The following LRRC4C variants were observed in gnomAD, a reference collection of about 807,000 sequenced individuals.
LRRC4C encodes the protein leucine rich repeat containing 4C.
A neutral mutation model predicts 33.6 loss-of-function variants in LRRC4C; 5 were observed. The observed-to-expected ratio is 0.15, with a 90% CI of 0.08 to 0.31. The LOEUF is 0.31. Ranked by LOEUF, LRRC4C falls within the 10% of genes least tolerant of loss-of-function variation. The pLI is 1.00. For missense variants in LRRC4C, 560 were observed against 796.7 expected, an observed-to-expected ratio of 0.70 and a Z score of 3.58; for synonymous variants, 329 against 302.0, an observed-to-expected ratio of 1.09 and a Z score of -0.93.
intron 2 of LRRC4C, among the ~76,000 whole-genome samples, chr11:40,839,722 T>A (rs555064265): frequency 6.6e-6 from 1 of 152,190 alleles, no homozygotes; most frequent in Non-Finnish European, 1.5e-5. Context: ...GGTTAACTGA[T>A]CTTCAAAACT....
At chr11:41,176,290 A>G (rs1437260355) in intron 1 of LRRC4C, among the ~76,000 whole-genome samples, 2 of 152,208 alleles carry the variant, frequency 1.3e-5, no homozygotes, top group African/African-American at 2.4e-5. Flanking sequence ...CCCGAACCCA[A>G]AAAGAGCTTT....
intron 1 of LRRC4C, among the ~76,000 whole-genome samples, chr11:41,319,419 G>C (rs958429023): frequency 3.9e-5 from 6 of 152,168 alleles, no homozygotes; most frequent in Admixed American, 1.3e-4. Context: ...TTCTAGGTTG[G>C]AAGAAAATGG....
intron 1 of LRRC4C, among the ~76,000 whole-genome samples, chr11:41,337,476 G>A (rs1467729943): frequency 6.6e-6 from 1 of 152,134 alleles, no homozygotes; most frequent in Non-Finnish European, 1.5e-5. Context: ...TGGGAAAACT[G>A]GCTATCCATA....
chr11:41,160,341 T>C (rs1428542869), intron 1 of LRRC4C, among the ~76,000 whole-genome samples: 1 of 150,952 alleles, frequency 6.6e-6, no homozygotes, highest in African/African-American at 2.4e-5. Context: ...TGAATAGCCA[T>C]TGCAGTCCAG....
chr11:40,973,542 G>C (rs1482417654), intron 1 of LRRC4C, among the ~76,000 whole-genome samples: 4 of 152,162 alleles, frequency 2.6e-5, no homozygotes, highest in Non-Finnish European at 5.9e-5. Context: ...TAGATGTGGA[G>C]AGGGAGAAAA....
intron 3 of LRRC4C, among the ~76,000 whole-genome samples, chr11:40,361,774 G>C (rs1947962631): frequency 6.6e-6 from 1 of 152,100 alleles, no homozygotes; most frequent in African/African-American, 2.4e-5. Context: ...TTTAAATTCA[G>C]ATGAACCCAA....
intron 1 of LRRC4C, among the ~76,000 whole-genome samples, chr11:41,312,814 T>G (rs1051862227): frequency 1.3e-5 from 2 of 152,132 alleles, no homozygotes; most frequent in African/African-American, 4.8e-5. Flanking sequence ...CTGGTTTCCT[T>G]AGGGTTAGCA....
intron 4 of LRRC4C, among the ~76,000 whole-genome samples, chr11:40,297,614 C>T (rs578138540): frequency 5.3e-5 from 8 of 151,792 alleles, no homozygotes; most frequent in Admixed American, 2.0e-4. Context: ...GGTCCCCCGC[C>T]GACCCATGAT....
chr11:40,332,182 A>G (rs557070451), intron 3 of LRRC4C, among the ~76,000 whole-genome samples: 50 of 152,258 alleles, frequency 3.3e-4, no homozygotes, highest in Admixed American at 8.5e-4. Context: ...ATTCTCTTAC[A>G]CTTCCTGGAA....
At chr11:40,275,757 T>C (rs1405061440) in intron 4 of LRRC4C, among the ~76,000 whole-genome samples, 1 of 152,150 alleles carries the variant, frequency 6.6e-6, no homozygotes, top group Non-Finnish European at 1.5e-5. Flanking sequence ...AAAAAAGTCA[T>C]AATTTCATTT....
chr11:40,717,639 C>T (rs756572922), intron 2 of LRRC4C, among the ~76,000 whole-genome samples: 10 of 152,034 alleles, frequency 6.6e-5, no homozygotes, highest in Admixed American at 2.6e-4. Flanking sequence ...CCAGTCACTG[C>T]GCTGTAAAAC....
At chr11:40,462,330 C>A (rs1268198600) in intron 3 of LRRC4C, among the ~76,000 whole-genome samples, 1 of 152,010 alleles carries the variant, frequency 6.6e-6, no homozygotes, top group Non-Finnish European at 1.5e-5. Flanking sequence ...CAATTGGAAG[C>A]AGAGATTTGC....
chr11:40,706,485 G>T (rs952398911), intron 2 of LRRC4C, among the ~76,000 whole-genome samples: 5 of 152,130 alleles, frequency 3.3e-5, no homozygotes, highest in African/African-American at 1.2e-4. Flanking sequence ...CCCATTGCTT[G>T]TTTTTGTCAG....
At position 41,233,848 on chromosome 11, in the gene LRRC4C, T is replaced by A. The variant is rs181858762; in HGVS notation, c.-496+225583A>T. Among the ~76,000 whole-genome samples the A allele has an allele frequency of 3.3e-5, 5 of 152,194 alleles. No homozygotes were observed. In the South Asian group the frequency reaches 6.2e-4, roughly 19 times the overall value. On this transcript the variant is annotated intron_variant, in intron 1 of 6. Transcript: ENST00000528697. ...TTTCTAGACTTTGCTATTTTAACAA[T>A]TTATTAATTAGTTCATAGACTAGTC...
At chr11:40,352,422 AC>A (rs779881753) in intron 3 of LRRC4C, among the ~76,000 whole-genome samples, 25 of 151,644 alleles carry the variant, frequency 1.6e-4, no homozygotes, top group South Asian at 1.0e-3. Flanking sequence ...CCGCTTTTAA[AC>A]TTTTGGTTGT....
chr11:41,246,297 C>A (rs2136599639), intron 1 of LRRC4C, among the ~76,000 whole-genome samples: 1 of 152,222 alleles, frequency 6.6e-6, no homozygotes, highest in South Asian at 2.1e-4. Flanking sequence ...TCAGTGCTGC[C>A]CCAAGCATGT....
At chr11:41,240,318 G>A (rs537789764) in intron 1 of LRRC4C, among the ~76,000 whole-genome samples, 10 of 152,040 alleles carry the variant, frequency 6.6e-5, no homozygotes, top group Admixed American at 4.6e-4. Flanking sequence ...AAAATACAAA[G>A]AAATCAGAGA....
At chr11:40,362,271 A>G (rs1305718807) in intron 3 of LRRC4C, among the ~76,000 whole-genome samples, 1 of 152,212 alleles carries the variant, frequency 6.6e-6, no homozygotes, top group Non-Finnish European at 1.5e-5. Flanking sequence ...ATGGGATCCA[A>G]TTAAGCAAAG....
At chr11:41,148,552 T>C (rs183707512) in intron 1 of LRRC4C, among the ~76,000 whole-genome samples, 37 of 152,184 alleles carry the variant, frequency 2.4e-4, no homozygotes, top group African/African-American at 8.9e-4. Flanking sequence ...TTCTAGAGAA[T>C]TGTATGCAAA....
Sources: gnomAD v4.1 joint callset for allele counts (sites outside exome capture counted in the v4.1 genomes callset) on GRCh38, gnomAD v4.1.1 for gene constraint, MANE v1.5 for transcripts, NCBI Gene and HGNC (gene_info 2026-07-23, HGNC 2026-07-21) for gene names.